The following PCYOX1 variants were observed in gnomAD, a reference collection of about 807,000 sequenced individuals.
PCYOX1 encodes the protein prenylcysteine oxidase 1.
PCYOX1 carries 46 observed loss-of-function variants against 46.4 expected under a neutral mutation model. That is an observed-to-expected ratio of 0.99 (90% confidence interval 0.78 to 1.27). PCYOX1 has a LOEUF of 1.27. Ranked by LOEUF, PCYOX1 falls within the 50% of genes most tolerant of loss-of-function variation. PCYOX1 has a pLI of 0.00. For missense variants in PCYOX1, 658 were observed against 628.3 expected (o/e 1.05, Z -0.51); for synonymous variants, 220 against 231.8 (o/e 0.95, Z 0.46).
chr2:70,266,999 G>T (rs994844657), intron 3 of PCYOX1, among the ~76,000 whole-genome samples: 2 of 152,252 alleles, frequency 1.3e-5, no homozygotes, highest in African/African-American at 4.8e-5. Context: ...AGACGGGGTG[G>T]CGGCTGGGCA....
intron 3 of PCYOX1, among the ~76,000 whole-genome samples, chr2:70,270,151 C>G (rs762998788): frequency 5.3e-5 from 8 of 151,968 alleles, no homozygotes; most frequent in Non-Finnish European, 7.4e-5. Context: ...TGTGCCACCA[C>G]ACCTGGCTAA....
In PCYOX1 at chr2:70,279,716, G is replaced by C. The variant is rs760702680; in HGVS notation, c.*2324G>C. On this transcript the variant is annotated 3_prime_UTR_variant, in exon 6 of 6. Transcript: ENST00000433351. ...AGGAGAATTGCCTCAACCGGGAGGC[G>C]GAGGTTGCAGTGAGCCAAGATCGCA... 4 of 152,188 alleles carry C rather than the reference G, an allele frequency of 2.6e-5. No individual in the cohort carries two copies. The highest frequency in any genetic ancestry group is 9.7e-5 in the African/African-American group (4 of 41,384). The allele number at this position is 152,188 out of a possible 1,614,324, so 9.4% of individuals were successfully genotyped here.
At chr2:70,259,332 T>A in intron 1 of PCYOX1, 28 bp from the exon 2 acceptor site, 1 of 1,590,788 alleles carries the variant, frequency 6.3e-7, no homozygotes, top group Non-Finnish European at 8.6e-7. Flanking sequence ...AAGGGGAAAA[T>A]ATAATCTTCT....
intron 1 of PCYOX1, chr2:70,258,499 AAT>A: frequency 3.7e-6 from 1 of 267,098 alleles, no homozygotes; most frequent in Non-Finnish European, 7.2e-6. Flanking sequence ...CCACTTGAGG[AAT>A]GGGCGTGGAC....
At chr2:70,274,865 T>C (rs1696647353) in intron 3 of PCYOX1, 94 bp from the exon 4 acceptor site, 1 of 821,320 alleles carries the variant, frequency 1.2e-6, no homozygotes, top group Admixed American at 1.9e-5. Context: ...CACCTAGATG[T>C]CAGTTTGATT....
At chr2:70,268,111 A>G (rs902762386) in intron 3 of PCYOX1, among the ~76,000 whole-genome samples, 1 of 152,070 alleles carries the variant, frequency 6.6e-6, no homozygotes, top group African/African-American at 2.4e-5. Context: ...ACCCGGCCGT[A>G]AATTTGTGTT....
rs1386008104 is a variant in PCYOX1 at position 70,277,186 on chromosome 2, C to T, written c.1312C>T (p.His438Tyr). ...GAAGAAGCCATGGCTTGCATATCCTCACTATAAGCCCCCGGAGAAATGCCC... is the reference window on the plus strand; with the variant it reads ...GAAGAAGCCATGGCTTGCATATCCTTACTATAAGCCCCCGGAGAAATGCCC... The part of the protein sequence containing the change: ...AVKKPWLAYP[H>Y]YKPPEKCPSI... Residue 438 changes from histidine to tyrosine, a missense_variant, in exon 6 of 6, where the codon CAC (histidine) becomes TAC (tyrosine). His to Tyr is a moderately conservative substitution (Grantham distance 83). Coordinates refer to ENST00000433351, the MANE Select transcript of PCYOX1 (RefSeq NM_016297.4). 6.2e-7 allele frequency: 1 copy of T among 1,613,976 alleles called. No individual in the cohort carries two copies. The highest frequency in any genetic ancestry group is 8.5e-7 in the Non-Finnish European group (1 of 1,179,862).
chr2:70,275,992 C>T (rs532971205), intron 5 of PCYOX1, among the ~76,000 whole-genome samples: 87 of 149,708 alleles, frequency 5.8e-4, no homozygotes, highest in Admixed American at 3.8e-3. Flanking sequence ...CCCAGCTACT[C>T]GGGAGGCTGA....
intron 3 of PCYOX1, among the ~76,000 whole-genome samples, chr2:70,274,256 G>A (rs974910792): frequency 2.0e-5 from 3 of 150,148 alleles, no homozygotes; most frequent in Non-Finnish European, 3.0e-5. Flanking sequence ...GGAGTGCAGC[G>A]GTGTGATCTC....
At chr2:70,272,033 C>A (rs1366698426) in intron 3 of PCYOX1, among the ~76,000 whole-genome samples, 1 of 152,092 alleles carries the variant, frequency 6.6e-6, no homozygotes, top group African/African-American at 2.4e-5. Context: ...TAATGCAACA[C>A]CCTTAAATTC....
intron 5 of PCYOX1, 66 bp from the exon 6 acceptor site, chr2:70,276,668 A>G: frequency 1.2e-6 from 1 of 857,300 alleles, no homozygotes; most frequent in South Asian, 1.7e-5. Flanking sequence ...TGAAGAAGGT[A>G]TACAATTATT....
chr2:70,258,314 C>A, intron 1 of PCYOX1, 38 bp downstream of exon 1: 2 of 1,359,978 alleles, frequency 1.5e-6, no homozygotes, highest in South Asian at 2.8e-5. Flanking sequence ...GGTGCTGGAG[C>A]GCGCCCCGCG....
intron 3 of PCYOX1, among the ~76,000 whole-genome samples, chr2:70,267,749 G>T (rs186218976): frequency 1.3e-4 from 19 of 151,810 alleles, no homozygotes; most frequent in African/African-American, 4.3e-4. Context: ...GTACAGTCCA[G>T]CCTTGGCTCG....
chr2:70,265,768 G>A (rs1696514175), intron 3 of PCYOX1, among the ~76,000 whole-genome samples: 1 of 152,116 alleles, frequency 6.6e-6, no homozygotes, highest in Admixed American at 6.6e-5. Flanking sequence ...TCTCAAGTTA[G>A]TGCATTTCTG....
At position 70,277,599 on chromosome 2, in the gene PCYOX1, TA is replaced by T. The variant is rs1248325197; in HGVS notation, c.*209del. On this transcript the variant is annotated 3_prime_UTR_variant, in exon 6 of 6. Coordinates refer to ENST00000433351, the MANE Select transcript of PCYOX1 (RefSeq NM_016297.4). ...CACTTATGCCATCTCCAAAATTTCT[TA>T]AGTATTCTTTCACTATCCATTAGGA... 1 of 485,662 alleles carries T rather than the reference TA, an allele frequency of 2.1e-6. No homozygotes were observed. The highest frequency in any genetic ancestry group is 3.6e-6 in the Non-Finnish European group (1 of 275,362). The allele number at this position is 485,662 out of a possible 1,614,324, so 30.1% of individuals were successfully genotyped here. A position where few individuals can be genotyped will look rare whatever the true frequency, so the allele number is the denominator to read the frequency against.
intron 2 of PCYOX1, among the ~76,000 whole-genome samples, chr2:70,260,292 C>T (rs1696417805): frequency 6.6e-6 from 1 of 152,284 alleles, no homozygotes; most frequent in Admixed American, 6.5e-5. Context: ...TGCCTGTAAT[C>T]CCAGCACTTT....
chr2:70,258,003 T>G, upstream of PCYOX1: 1 of 504,748 alleles, frequency 2.0e-6, no homozygotes, highest in Non-Finnish European at 3.4e-6. Context: ...TCCTGCAGGG[T>G]TGAGAGGACC....
rs114662720 is a variant in PCYOX1 at position 70,262,170 on chromosome 2, T to A, written c.494+784T>A. 5.7e-3 allele frequency among the ~76,000 whole-genome samples: 872 copies of A among 152,252 alleles called. 10 individuals carry two copies. Among genetic ancestry groups the A allele is most frequent in the African/African-American group, 0.019 (802 of 41,558 alleles). ...GCATGTTCTAGTTTTTTAGTTTTTT[T>A]GTTTTTTTGTTTTTGAGATGGAGTT... On this transcript the variant is annotated intron_variant, in intron 3 of 5. Transcript: ENST00000433351.
chr2:70,275,603 A>C lies in PCYOX1; in HGVS notation c.796A>C (p.Lys266Gln). The C allele has an allele frequency of 6.2e-7, 1 of 1,614,104 alleles. No individual in the cohort carries two copies. The highest frequency in any genetic ancestry group is 2.2e-5 in the East Asian group (1 of 44,878). ...TTGCTCAGGGCTTCTGCAGGCATCCAAAAGCAATCTTATATCTGGCTCAGT... is the reference window on the plus strand; with the variant it reads ...TTGCTCAGGGCTTCTGCAGGCATCCCAAAGCAATCTTATATCTGGCTCAGT... The part of the protein sequence containing the change: ...LVCSGLLQAS[K>Q]SNLISGSVMY... The change falls in exon 5 of 6, where the codon AAA becomes CAA. Residue 266 changes from lysine (K) to glutamine (Q), a missense_variant. Lys to Gln is a moderately conservative substitution (Grantham distance 53, BLOSUM62 1). Transcript: ENST00000433351.
Sources: allele counts gnomAD v4.1 joint callset (sites outside exome capture counted in the v4.1 genomes callset), GRCh38; gene constraint gnomAD v4.1.1; transcripts MANE v1.5; gene names NCBI Gene and HGNC (gene_info 2026-07-23, HGNC 2026-07-21).